Variants in IL15 observed in about 807,000 individuals in gnomAD.
The protein encoded by IL15 is interleukin 15.
A neutral mutation model predicts 19.6 loss-of-function variants in IL15; 11 were observed. The ratio of observed to expected loss-of-function variants is 0.56; its 90% CI spans 0.35 to 0.93. IL15 has a LOEUF of 0.93. Among genes scored for constraint, IL15 ranks in the 40% least tolerant of loss-of-function variants. IL15 has a pLI of 0.01. For missense variants in IL15, 197 were observed against 186.5 expected, an observed-to-expected ratio of 1.06 and a Z score of -0.33; for synonymous variants, 58 against 59.6, an observed-to-expected ratio of 0.97 and a Z score of 0.12.
At chr4:141,664,761 C>G (rs1348830190) in intron 2 of IL15, among the ~76,000 whole-genome samples, 1 of 152,044 alleles carries the variant, frequency 6.6e-6, no homozygotes, top group Non-Finnish European at 1.5e-5. Context: ...CTACAGAGAC[C>G]AGAGTGGAGG....
intron 2 of IL15, among the ~76,000 whole-genome samples, chr4:141,697,551 A>G (rs942305367): frequency 1.1e-4 from 16 of 152,046 alleles, no homozygotes; most frequent in African/African-American, 1.4e-4. Context: ...GTGAAGAATA[A>G]TGATGGTATT....
chr4:141,707,329 A>C, intron 2 of IL15, among the ~76,000 whole-genome samples: 1 of 151,996 alleles, frequency 6.6e-6, no homozygotes, highest in East Asian at 1.9e-4. Flanking sequence ...TCTGTGTTCT[A>C]TTGTATCTCA....
chr4:141,649,167 A>T (rs781048408), intron 1 of IL15, among the ~76,000 whole-genome samples: 1 of 151,790 alleles, frequency 6.6e-6, no homozygotes, highest in Non-Finnish European at 1.5e-5. Context: ...CCTTCTCCTG[A>T]CTCGCCTGGT....
chr4:141,729,431 A>C (rs57056175), intron 6 of IL15, among the ~76,000 whole-genome samples: 3,992 of 152,272 alleles, frequency 0.026, 177 homozygotes, highest in African/African-American at 0.091. Flanking sequence ...ACTTGAAAGA[A>C]CAGTATAATT....
chr4:141,683,214 A>G (rs1728594291), intron 2 of IL15, among the ~76,000 whole-genome samples: 1 of 151,788 alleles, frequency 6.6e-6, no homozygotes, highest in Non-Finnish European at 1.5e-5. Flanking sequence ...AGTTACAGTG[A>G]GCCAAGATCA....
chr4:141,647,652 C>T (rs1039847512), intron 1 of IL15, among the ~76,000 whole-genome samples: 27 of 152,018 alleles, frequency 1.8e-4, no homozygotes, highest in African/African-American at 6.5e-4. Context: ...CTTTTTACAC[C>T]TCCTAGACCT....
chr4:141,678,213 T>G (rs1211754097), intron 2 of IL15, among the ~76,000 whole-genome samples: 5 of 152,208 alleles, frequency 3.3e-5, no homozygotes, highest in Non-Finnish European at 7.3e-5. Context: ...CCCATATATT[T>G]CTGTGATTTG....
At chr4:141,727,219 C>T (rs1188234614) in intron 5 of IL15, among the ~76,000 whole-genome samples, 2 of 152,032 alleles carry the variant, frequency 1.3e-5, no homozygotes, top group Non-Finnish European at 2.9e-5. Context: ...TAGTGATTCA[C>T]CAACTATAAC....
At chr4:141,710,250 T>C (rs1366944249) in intron 2 of IL15, among the ~76,000 whole-genome samples, 3 of 152,152 alleles carry the variant, frequency 2.0e-5, no homozygotes, top group Non-Finnish European at 4.4e-5. Context: ...CAAGAAACCA[T>C]TGAGCTGTAT....
intron 2 of IL15, among the ~76,000 whole-genome samples, chr4:141,669,997 A>G (rs1202547582): frequency 1.3e-5 from 2 of 151,656 alleles, no homozygotes; most frequent in Non-Finnish European, 2.9e-5. Flanking sequence ...TAAATTATAT[A>G]AATATTTACA....
chr4:141,669,975 AGATT>A (rs1212767954), intron 2 of IL15, among the ~76,000 whole-genome samples: 5 of 151,748 alleles, frequency 3.3e-5, no homozygotes, highest in Non-Finnish European at 5.9e-5. Context: ...TAATTAAGAT[AGATT>A]ATTATTGTAA....
At chr4:141,697,138 T>C (rs1468177568) in intron 2 of IL15, among the ~76,000 whole-genome samples, 1 of 152,160 alleles carries the variant, frequency 6.6e-6, no homozygotes, top group Non-Finnish European at 1.5e-5. Context: ...TTTGTATGCT[T>C]TCAGCTCTTA....
chr4:141,682,959 AAAAC>A (rs891373525), intron 2 of IL15, among the ~76,000 whole-genome samples: 31 of 152,128 alleles, frequency 2.0e-4, no homozygotes, highest in Middle Eastern at 3.4e-3. Context: ...CTCAAAAGAA[AAAAC>A]AAACAAACAA....
intron 2 of IL15, among the ~76,000 whole-genome samples, chr4:141,708,982 T>C (rs965241550): frequency 1.3e-5 from 2 of 149,306 alleles, no homozygotes; most frequent in African/African-American, 2.5e-5. Context: ...TTATTTGCTA[T>C]TCTTTTATTA....
intron 4 of IL15, 79 bp downstream of exon 4, chr4:141,720,645 A>C (rs1345437197): frequency 1.2e-6 from 1 of 857,804 alleles, no homozygotes; most frequent in South Asian, 1.4e-5. Flanking sequence ...CCATTAAATT[A>C]GTTTACGTTC....
intron 2 of IL15, among the ~76,000 whole-genome samples, chr4:141,673,618 G>A (rs977622215): frequency 1.3e-5 from 2 of 152,106 alleles, no homozygotes; most frequent in East Asian, 1.9e-4. Context: ...CAAGGTATTC[G>A]ACTGTATCTG....
At chr4:141,678,169 T>A (rs1039626204) in intron 2 of IL15, among the ~76,000 whole-genome samples, 1 of 152,204 alleles carries the variant, frequency 6.6e-6, no homozygotes, top group Non-Finnish European at 1.5e-5. Flanking sequence ...GAGATCCAGA[T>A]GGTCAGAAAT....
intron 1 of IL15, among the ~76,000 whole-genome samples, chr4:141,646,521 C>T (rs989013428): frequency 6.6e-6 from 1 of 152,078 alleles, no homozygotes; most frequent in African/African-American, 2.4e-5. Flanking sequence ...GACTGATGTA[C>T]TTCAAATTGC....
chr4:141,700,549 T>C (rs907026594), intron 2 of IL15, among the ~76,000 whole-genome samples: 5 of 152,344 alleles, frequency 3.3e-5, no homozygotes, highest in African/African-American at 1.2e-4. Context: ...CTCACAGTTC[T>C]TAAGATTCTT....
Sources: gnomAD v4.1 joint callset for allele counts (sites outside exome capture counted in the v4.1 genomes callset) on GRCh38, gnomAD v4.1.1 for gene constraint, MANE v1.5 for transcripts, NCBI Gene and HGNC (gene_info 2026-07-23, HGNC 2026-07-21) for gene names.